TMEM121B: variants seen among roughly 807,000 people sequenced by gnomAD.
The protein encoded by TMEM121B is cat eye syndrome chromosome region, candidate 6.
TMEM121B carries 14 observed loss-of-function variants against 25.1 expected under a neutral mutation model. That is an observed-to-expected ratio of 0.56 (90% confidence interval 0.37 to 0.87). TMEM121B has a LOEUF of 0.87. Ranked by LOEUF, TMEM121B falls within the 40% of genes least tolerant of loss-of-function variation. TMEM121B has a pLI of 0.00. For missense variants in TMEM121B, 850 were observed against 854.6 expected (o/e 0.99, Z 0.07); for synonymous variants, 458 against 420.9 (o/e 1.09, Z -1.08).
chr22:17,121,070 G>C lies in TMEM121B; in HGVS notation c.58C>G (p.Pro20Ala). ...SVSSASGSFPPPPAAARLQPL... is the reference protein window; with the variant it reads ...SVSSASGSFPAPPAAARLQPL... ...TGCAGCCGGGCGGCTGCCGGGGGCG[G>C]CGGGAAGGAACCGGACGCGGAGGAG... The change falls in exon 1 of 1, where the codon CCG becomes GCG. Residue 20 changes from proline (P) to alanine (A), a missense_variant. Physicochemically the swap from Pro to Ala is conservative, Grantham distance 27. Transcript: ENST00000331437. 1 of 1,453,382 alleles carries C rather than the reference G, an allele frequency of 6.9e-7. No individual in the cohort carries two copies. Among genetic ancestry groups the C allele is most frequent in the Non-Finnish European group, 9.1e-7 (1 of 1,104,272 alleles). The allele number at this position is 1,453,382 out of a possible 1,614,324, so 90.0% of individuals were successfully genotyped here.
In TMEM121B at chr22:17,119,425, T is replaced by G; in HGVS notation, c.1703A>C (p.Tyr568Ser). The part of the protein sequence containing the change: ...ISENEGGAHG[Y>S]VNTLAVASQN ...AGAGGCCACAGCCAGGGTGTTGACA[T>G]AGCCATGAGCACCCCCCTCGTTCTC... Residue 568 changes from tyrosine (Y) to serine (S), a missense_variant, in exon 1 of 1, where the codon TAT becomes TCT. Transcript: ENST00000331437. 1 of 1,607,706 alleles carries G rather than the reference T, an allele frequency of 6.2e-7. No individual in the cohort carries two copies. The highest frequency in any genetic ancestry group is 8.5e-7 in the Non-Finnish European group (1 of 1,177,228).
In TMEM121B at chr22:17,120,598, C is replaced by A; in HGVS notation, c.530G>T (p.Cys177Phe). The A allele has an allele frequency of 2.2e-6, 3 of 1,381,502 alleles. No individual in the cohort carries two copies. Among genetic ancestry groups the A allele is most frequent in the Non-Finnish European group, 2.8e-6 (3 of 1,067,192 alleles). 85.6% of individuals were successfully genotyped at this position (1,381,502 alleles called of 1,614,324 possible). A position where few individuals can be genotyped will look rare whatever the true frequency, so the allele number is the denominator to read the frequency against. Residue 177 changes from cysteine (C) to phenylalanine (F), a missense_variant, in exon 1 of 1, where the codon TGC becomes TTC. Coordinates refer to ENST00000331437, the MANE Select transcript of TMEM121B (RefSeq NM_031890.4). ...ACCTCTGCGGCCGGGGCGGTCTGGG[C>A]AGCCGCAGCAGCAGCAACACGGGCA... ...SCCPCCCCCGCPDRPGRRGRR... is the reference protein window; with the variant it reads ...SCCPCCCCCGFPDRPGRRGRR...
In TMEM121B at chr22:17,118,696, G is replaced by A. The variant is rs1012817832; in HGVS notation, c.*695C>T. ...CTCTCCCTGAGCTGAGAAGAGAGGAGCAGTATTGAGGAAGATCCTGGGTGA... is the reference window on the plus strand; with the variant it reads ...CTCTCCCTGAGCTGAGAAGAGAGGAACAGTATTGAGGAAGATCCTGGGTGA... On this transcript the variant is annotated 3_prime_UTR_variant, in exon 1 of 1. Coordinates refer to ENST00000331437, the MANE Select transcript of TMEM121B (RefSeq NM_031890.4). 1.1e-4 allele frequency: 17 copies of A among 152,594 alleles called. No individual in the cohort carries two copies. Among genetic ancestry groups the A allele is most frequent in the Admixed American group, 3.9e-4 (6 of 15,286 alleles). The allele number at this position is 152,594 out of a possible 1,614,324, so 9.5% of individuals were successfully genotyped here.
rs1027151525 is a variant in TMEM121B at position 17,120,681 on chromosome 22, G to A, written c.447C>T (p.Pro149=). Residue 149 remains proline, a synonymous_variant, in exon 1 of 1, where the codon CCC becomes CCT. Transcript: ENST00000331437. ...CCGCGCCCCCCGCCGAGCGGCTCCC[G>A]GGGCCCCCGACGGCCCCGGCCGCGG... ...GGAAAGAVGG[P]GSRSAGGAGG... is the part of the protein sequence containing the mutation. The A allele has an allele frequency of 9.7e-5, 115 of 1,183,172 alleles. No individual in the cohort carries two copies. In the African/African-American group the frequency reaches 1.6e-3, roughly 17 times the overall value. The allele number at this position is 1,183,172 out of a possible 1,614,324, so 73.3% of individuals were successfully genotyped here.
At position 17,121,215 on chromosome 22, in the gene TMEM121B, C is replaced by G. The variant is rs1413415276; in HGVS notation, c.-88G>C. The G allele has an allele frequency of 3.3e-6, 4 of 1,196,598 alleles. No individual in the cohort carries two copies. Among genetic ancestry groups the G allele is most frequent in the African/African-American group, 1.6e-5 (1 of 62,696 alleles). The allele number at this position is 1,196,598 out of a possible 1,614,324, so 74.1% of individuals were successfully genotyped here. On this transcript the variant is annotated 5_prime_UTR_variant, in exon 1 of 1. Coordinates refer to ENST00000331437, the MANE Select transcript of TMEM121B (RefSeq NM_031890.4). ...GGCGGGCTAGGCGGCCGAGGGGAGCCGGGGCCCGCCGCCTCCCCAGCAGTG... is the reference window on the plus strand; with the variant it reads ...GGCGGGCTAGGCGGCCGAGGGGAGCGGGGGCCCGCCGCCTCCCCAGCAGTG...
chr22:17,120,941 CGCCGCGTCT>C lies in TMEM121B; in HGVS notation c.178_186del (p.Arg60_Gly62del). The C allele has an allele frequency of 7.1e-7, 1 of 1,412,490 alleles. No homozygotes were observed. The highest frequency in any genetic ancestry group is 9.2e-7 in the Non-Finnish European group (1 of 1,085,008). The allele number at this position is 1,412,490 out of a possible 1,614,324, so 87.5% of individuals were successfully genotyped here. A position where few individuals can be genotyped will look rare whatever the true frequency, so the allele number is the denominator to read the frequency against. The stretch of plus-strand genomic sequence containing the variant: ...CTGCTGCTCGGGGAGCCGCCGCCCC[CGCCGCGTCT>C]GCCGCCGCCTCCCCCGCGGCTGGTG... On this transcript the variant is annotated inframe_deletion, in exon 1 of 1. Transcript: ENST00000331437.
Position 17,117,749 on chromosome 22 carries a change from A to C in TMEM121B, c.*1642T>G, listed in dbSNP as rs1185703992. 6.6e-6 allele frequency: 1 copy of C among 152,342 alleles called. No homozygotes were observed. The highest frequency in any genetic ancestry group is 2.1e-4 in the South Asian group (1 of 4,832). The allele number at this position is 152,342 out of a possible 1,614,324, so 9.4% of individuals were successfully genotyped here. A position where few individuals can be genotyped will look rare whatever the true frequency, so the allele number is the denominator to read the frequency against. ...AGGACCAGGGCTTTCAAGAGCCACA[A>C]ACTCAAAAGAATGTGAGAGCTGAAA... On this transcript the variant is annotated 3_prime_UTR_variant, in exon 1 of 1. Coordinates refer to ENST00000331437, the MANE Select transcript of TMEM121B (RefSeq NM_031890.4).
chr22:17,119,379 T>C lies in TMEM121B; in HGVS notation c.*12A>G, dbSNP rs753507389. Reference sequence around the variant, plus strand: ...CTCTCAACCCAAAAACAAGGACCCGTGCCCTTCACCCTCAATTCTGAGAGG... The same window carrying C: ...CTCTCAACCCAAAAACAAGGACCCGCGCCCTTCACCCTCAATTCTGAGAGG... On this transcript the variant is annotated 3_prime_UTR_variant, in exon 1 of 1. Coordinates refer to ENST00000331437, the MANE Select transcript of TMEM121B (RefSeq NM_031890.4). 2.5e-6 allele frequency: 4 copies of C among 1,581,106 alleles called. No individual in the cohort carries two copies. The African/African-American group carries it at 4.1e-5, about 16-fold the overall frequency.
rs1180582164 is a variant in TMEM121B, at chr22:17,117,473, G to C, written c.*1918C>G. On this transcript the variant is annotated 3_prime_UTR_variant, in exon 1 of 1. Coordinates refer to ENST00000331437, the MANE Select transcript of TMEM121B (RefSeq NM_031890.4). ...TCTGCTCCAAGCCCCCAAAACAGTT[G>C]TAAGAGGGGGCTTCAAGTGGGAGGC... 1 of 152,676 alleles carries C rather than the reference G, an allele frequency of 6.5e-6. No homozygotes were observed. The highest frequency in any genetic ancestry group is 1.5e-5 in the Non-Finnish European group (1 of 68,102). The allele number at this position is 152,676 out of a possible 1,614,324, so 9.5% of individuals were successfully genotyped here.
rs145297979 is a variant in TMEM121B, at chr22:17,118,393, C to G, written c.*998G>C. ...ACTCTAAGCCCAGATCCGACCCAGT[C>G]GGCACCAAACCACAGGAAGGATAAG... On this transcript the variant is annotated 3_prime_UTR_variant, in exon 1 of 1. Coordinates refer to ENST00000331437, the MANE Select transcript of TMEM121B (RefSeq NM_031890.4). 1 of 152,398 alleles carries G rather than the reference C, an allele frequency of 6.6e-6. No individual in the cohort carries two copies. The highest frequency in any genetic ancestry group is 1.5e-5 in the Non-Finnish European group (1 of 68,098). The allele number at this position is 152,398 out of a possible 1,614,324, so 9.4% of individuals were successfully genotyped here.
In TMEM121B at chr22:17,118,690, A is replaced by T. The variant is rs1476417913; in HGVS notation, c.*701T>A. On this transcript the variant is annotated 3_prime_UTR_variant, in exon 1 of 1. Coordinates refer to ENST00000331437, the MANE Select transcript of TMEM121B (RefSeq NM_031890.4). ...CCCCTCCTCTCCCTGAGCTGAGAAG[A>T]GAGGAGCAGTATTGAGGAAGATCCT... The T allele has an allele frequency of 6.6e-6, 1 of 152,606 alleles. No individual in the cohort carries two copies. Among genetic ancestry groups the T allele is most frequent in the Non-Finnish European group, 1.5e-5 (1 of 68,046 alleles). 9.5% of individuals were successfully genotyped at this position (152,606 alleles called of 1,614,324 possible). A position where few individuals can be genotyped will look rare whatever the true frequency, so the allele number is the denominator to read the frequency against.
rs777178368 is a variant in TMEM121B at position 17,120,317 on chromosome 22, C to A, written c.811G>T (p.Ala271Ser). 4.8e-6 allele frequency: 7 copies of A among 1,455,602 alleles called. No homozygotes were observed. The Admixed American group carries it at 1.7e-4, about 36-fold the overall frequency. 90.2% of individuals were successfully genotyped at this position (1,455,602 alleles called of 1,614,324 possible). Residue 271 changes from alanine (A) to serine (S), a missense_variant, in exon 1 of 1, where the codon GCG (alanine) becomes TCG (serine). Ala to Ser is a moderately conservative substitution (Grantham distance 99, BLOSUM62 1). Coordinates refer to ENST00000331437, the MANE Select transcript of TMEM121B (RefSeq NM_031890.4). The stretch of plus-strand genomic sequence containing the variant: ...GGGGCGGGCAGATGCAGGGGCGGCG[C>A]GGCGTGGTGGTGGTGCAGGTGGTGG... ...HNHHLHHHHA[A>S]PPLHLPAPSA...
In TMEM121B at chr22:17,119,227, T is replaced by A. The variant is rs2061483155; in HGVS notation, c.*164A>T. On this transcript the variant is annotated 3_prime_UTR_variant, in exon 1 of 1. Transcript: ENST00000331437. The stretch of plus-strand genomic sequence containing the variant: ...CCTCACCGTTAACTGCTGGTCTCCC[T>A]CCAAGCCGTCCTCACCCCAGGGTGC... The A allele has an allele frequency of 2.9e-6, 3 of 1,037,684 alleles. No homozygotes were observed. The East Asian group carries it at 8.2e-5, about 28-fold the overall frequency. The allele number at this position is 1,037,684 out of a possible 1,614,324, so 64.3% of individuals were successfully genotyped here. A position where few individuals can be genotyped will look rare whatever the true frequency, so the allele number is the denominator to read the frequency against.
chr22:17,120,249 C>G lies in TMEM121B; in HGVS notation c.879G>C (p.Gly293=). The change falls in exon 1 of 1, where the codon GGG becomes GGC. Residue 293 remains glycine, a synonymous_variant. Coordinates refer to ENST00000331437, the MANE Select transcript of TMEM121B (RefSeq NM_031890.4). Reference sequence around the variant, plus strand: ...GGCCGCCCCCCGCGCCGCCGGCGCCCCCGCGGGCTCCGCGTGCCTTGGCCC... The same window carrying G: ...GGCCGCCCCCCGCGCCGCCGGCGCCGCCGCGGGCTCCGCGTGCCTTGGCCC... The part of the protein sequence containing the change: ...TAGAKARGAR[G]GAGGAGGGLG... 1 of 1,240,580 alleles carries G rather than the reference C, an allele frequency of 8.1e-7. No homozygotes were observed. Among genetic ancestry groups the G allele is most frequent in the African/African-American group, 1.6e-5 (1 of 63,486 alleles). The allele number at this position is 1,240,580 out of a possible 1,614,324, so 76.8% of individuals were successfully genotyped here.
rs1326940295 is a variant in TMEM121B, at chr22:17,117,219, G to A, written c.*2172C>T. On this transcript the variant is annotated 3_prime_UTR_variant, in exon 1 of 1. Transcript: ENST00000331437. Reference sequence around the variant, plus strand: ...CCCAGAACCTTGAGTACAATCAAAGGGAGAGGAGAGGAGTCAGTGGGGGCA... The same window carrying A: ...CCCAGAACCTTGAGTACAATCAAAGAGAGAGGAGAGGAGTCAGTGGGGGCA... The A allele has an allele frequency of 1.1e-5, 1 of 91,396 alleles. No individual in the cohort carries two copies. 5.7% of individuals were successfully genotyped at this position (91,396 alleles called of 1,614,324 possible).
chr22:17,119,889 C>T lies in TMEM121B; in HGVS notation c.1239G>A (p.Met413Ile), dbSNP rs1468806349. ...CGGGCAGCGGCACGCGGCCCTCCAGCATCAGCTCCACCAGCGTGAAGCTGT... is the reference window on the plus strand; with the variant it reads ...CGGGCAGCGGCACGCGGCCCTCCAGTATCAGCTCCACCAGCGTGAAGCTGT... ...LLDSFTLVEL[M>I]LEGRVPLPAH... The change falls in exon 1 of 1, where the codon ATG (methionine) becomes ATA (isoleucine). Residue 413 changes from methionine to isoleucine, a missense_variant. Transcript: ENST00000331437. 3 of 1,568,102 alleles carry T rather than the reference C, an allele frequency of 1.9e-6. No individual in the cohort carries two copies. The highest frequency in any genetic ancestry group is 2.6e-6 in the Non-Finnish European group (3 of 1,163,790).
In TMEM121B at chr22:17,116,300, C is replaced by G. The variant is rs1010098374; in HGVS notation, c.*3091G>C. 6 of 152,624 alleles carry G rather than the reference C, an allele frequency of 3.9e-5. No individual in the cohort carries two copies. Among genetic ancestry groups the G allele is most frequent in the Non-Finnish European group, 7.3e-5 (5 of 68,044 alleles). 9.5% of individuals were successfully genotyped at this position (152,624 alleles called of 1,614,324 possible). A position where few individuals can be genotyped will look rare whatever the true frequency, so the allele number is the denominator to read the frequency against. On this transcript the variant is annotated 3_prime_UTR_variant, in exon 1 of 1. Coordinates refer to ENST00000331437, the MANE Select transcript of TMEM121B (RefSeq NM_031890.4). ...AACAAACCACACAGGAAGCTTGTCA[C>G]AAGTCTCAAGTTTTTTATTTTCAGA...
At position 17,116,855 on chromosome 22, in the gene TMEM121B, T is replaced by G. The variant is rs1468874816; in HGVS notation, c.*2536A>C. On this transcript the variant is annotated 3_prime_UTR_variant, in exon 1 of 1. Coordinates refer to ENST00000331437, the MANE Select transcript of TMEM121B (RefSeq NM_031890.4). ...ACCCACATGTGTAAAAGAGGGTGAC[T>G]GGGGCTGAACTGGGGGCCTGATATC... 6.6e-6 allele frequency: 1 copy of G among 152,404 alleles called. No homozygotes were observed. The highest frequency in any genetic ancestry group is 6.5e-5 in the Admixed American group (1 of 15,284). 9.4% of individuals were successfully genotyped at this position (152,404 alleles called of 1,614,324 possible).
At position 17,117,218 on chromosome 22, in the gene TMEM121B, G is replaced by GGGAGAGGAGA. The variant is rs60695890; in HGVS notation, c.*2163_*2172dup. 1 of 152,536 alleles carries GGGAGAGGAGA rather than the reference G, an allele frequency of 6.6e-6. No individual in the cohort carries two copies. The allele number at this position is 152,536 out of a possible 1,614,324, so 9.4% of individuals were successfully genotyped here. The stretch of plus-strand genomic sequence containing the variant: ...CCCCAGAACCTTGAGTACAATCAAA[G>GGGAGAGGAGA]GGAGAGGAGAGGAGTCAGTGGGGGC... On this transcript the variant is annotated 3_prime_UTR_variant, in exon 1 of 1. Transcript: ENST00000331437.
Sources: gnomAD v4.1 joint callset for allele counts on GRCh38, gnomAD v4.1.1 for gene constraint, MANE v1.5 for transcripts, NCBI Gene and HGNC (gene_info 2026-07-23, HGNC 2026-07-21) for gene names.